Variants in CCDC172 observed in about 807,000 individuals in gnomAD.
CCDC172 encodes coiled-coil domain-containing protein 172.
CCDC172 carries 30 observed loss-of-function variants against 38.0 expected under a neutral mutation model. The observed-to-expected ratio is 0.79, with a 90% CI of 0.59 to 1.07. The LOEUF (loss-of-function observed/expected upper bound fraction) is 1.07. Among genes scored for constraint, CCDC172 ranks in the 50% least tolerant of loss-of-function variants. The pLI is 0.00. For synonymous variants in CCDC172, 78 were observed against 88.3 expected, an observed-to-expected ratio of 0.88 and a Z score of 0.66; for missense variants, 297 against 290.1, an observed-to-expected ratio of 1.02 and a Z score of -0.17.
At chr10:116,356,955 G>C (rs1409315496) in intron 5 of CCDC172, among the ~76,000 whole-genome samples, 1 of 152,086 alleles carries the variant, frequency 6.6e-6, no homozygotes, top group East Asian at 1.9e-4. Context: ...TTACTAGTTG[G>C]CCAGGGGAAG....
At chr10:116,371,441 T>C (rs1431260713) in intron 7 of CCDC172, among the ~76,000 whole-genome samples, 1 of 151,908 alleles carries the variant, frequency 6.6e-6, no homozygotes, top group East Asian at 1.9e-4. Flanking sequence ...GGATTCTTTT[T>C]ACTAATATTT....
chr10:116,356,290 A>T (rs940917611), intron 5 of CCDC172, among the ~76,000 whole-genome samples: 3 of 150,932 alleles, frequency 2.0e-5, no homozygotes, highest in African/African-American at 7.3e-5. Context: ...AGATGGCGCC[A>T]CTGCACTCCA....
At position 116,379,535 on chromosome 10, in the gene CCDC172, G is replaced by A. The variant is rs1294088998; in HGVS notation, c.*177G>A. 1.4e-5 allele frequency: 6 copies of A among 421,686 alleles called. No individual in the cohort carries two copies. Among genetic ancestry groups the A allele is most frequent in the African/African-American group, 1.2e-4 (6 of 48,364 alleles). The allele number at this position is 421,686 out of a possible 1,614,324, so 26.1% of individuals were successfully genotyped here. On this transcript the variant is annotated 3_prime_UTR_variant, in exon 9 of 9. Transcript: ENST00000333254. ...GTGTTAGCCCTTTAAGATAATTTTT[G>A]TCTTGTTACTCAAACTTTAAGAGTT...
At chr10:116,340,940 A>T in intron 4 of CCDC172, 90 bp downstream of exon 4, 1 of 790,210 alleles carries the variant, frequency 1.3e-6, no homozygotes, top group Non-Finnish European at 2.2e-6. Flanking sequence ...AAAATTATCC[A>T]TGTGCATATT....
At chr10:116,370,528 A>G (rs562818194) in intron 7 of CCDC172, among the ~76,000 whole-genome samples, 1 of 151,990 alleles carries the variant, frequency 6.6e-6, no homozygotes, top group Non-Finnish European at 1.5e-5. Context: ...ATTTCCATTT[A>G]TACTTTACTC....
chr10:116,368,025 C>T (rs554663840), intron 7 of CCDC172, among the ~76,000 whole-genome samples: 1 of 152,010 alleles, frequency 6.6e-6, no homozygotes, highest in East Asian at 1.9e-4. Context: ...AGATTATATG[C>T]AAGTTAATTT....
chr10:116,332,939 T>G (rs982312805), intron 3 of CCDC172, among the ~76,000 whole-genome samples: 2 of 152,144 alleles, frequency 1.3e-5, no homozygotes, highest in African/African-American at 4.8e-5. Flanking sequence ...GTTTTAGTTA[T>G]TTAATGCTCT....
intron 3 of CCDC172, among the ~76,000 whole-genome samples, chr10:116,336,451 C>G (rs1334523250): frequency 6.6e-6 from 1 of 151,388 alleles, no homozygotes. Flanking sequence ...TCCTTGCTAA[C>G]TATATTAGGA....
intron 3 of CCDC172, among the ~76,000 whole-genome samples, chr10:116,339,413 C>G (rs1262137950): frequency 6.6e-6 from 1 of 151,732 alleles, no homozygotes; most frequent in South Asian, 2.1e-4. Context: ...CATGATCATA[C>G]CCTAGTTTCC....
intron 5 of CCDC172, among the ~76,000 whole-genome samples, chr10:116,354,470 T>C (rs1051012179): frequency 6.6e-6 from 1 of 152,050 alleles, no homozygotes; most frequent in Non-Finnish European, 1.5e-5. Flanking sequence ...ACGACTGTAA[T>C]CCCAGCACTT....
At chr10:116,370,081 T>C (rs1319993159) in intron 7 of CCDC172, among the ~76,000 whole-genome samples, 1 of 151,956 alleles carries the variant, frequency 6.6e-6, no homozygotes, top group Non-Finnish European at 1.5e-5. Flanking sequence ...GAAAATTTAT[T>C]TATATATTAT....
chr10:116,342,798 A>G (rs1263791951), intron 5 of CCDC172, among the ~76,000 whole-genome samples: 1 of 152,050 alleles, frequency 6.6e-6, no homozygotes, highest in Non-Finnish European at 1.5e-5. Context: ...TTGGTTGTTT[A>G]AAAGTATGTA....
intron 7 of CCDC172, among the ~76,000 whole-genome samples, chr10:116,366,909 A>G (rs1845129780): frequency 6.6e-6 from 1 of 152,156 alleles, no homozygotes; most frequent in African/African-American, 2.4e-5. Context: ...CTGACTACGT[A>G]TATGGTTGAG....
At chr10:116,378,184 AAAC>A (rs763054036) in intron 7 of CCDC172, among the ~76,000 whole-genome samples, 6 of 152,300 alleles carry the variant, frequency 3.9e-5, no homozygotes, top group South Asian at 2.1e-4. Flanking sequence ...CCATCTCAAA[AAAC>A]AACAACAACA....
Position 116,357,445 on chromosome 10 carries a change from A to T in CCDC172, c.514A>T (p.Ile172Leu). ...NELQKQKSEL[I>L]QELFTLQRKL... Reference sequence around the variant, plus strand: ...ACTTCAAAAACAAAAGAGTGAATTGATACAAGAATTATTTACTCTCCAAAG... The same window carrying T: ...ACTTCAAAAACAAAAGAGTGAATTGTTACAAGAATTATTTACTCTCCAAAG... The change falls in exon 6 of 9, where the codon ATA becomes TTA. Residue 172 changes from isoleucine (I) to leucine (L), a missense_variant. Physicochemically the swap from Ile to Leu is conservative, Grantham distance 5. Coordinates refer to ENST00000333254, the MANE Select transcript of CCDC172 (RefSeq NM_198515.3). The T allele has an allele frequency of 6.3e-7, 1 of 1,583,272 alleles. No homozygotes were observed. Among genetic ancestry groups the T allele is most frequent in the East Asian group, 2.3e-5 (1 of 43,332 alleles).
At chr10:116,335,849 CTCTGTATATTT>C (rs1844724466) in intron 3 of CCDC172, among the ~76,000 whole-genome samples, 1 of 151,508 alleles carries the variant, frequency 6.6e-6, no homozygotes, top group Non-Finnish European at 1.5e-5. Flanking sequence ...TTGATGGTTT[CTCTGTATATTT>C]TCTTGGATTC....
chr10:116,347,428 C>T (rs1363680572), intron 5 of CCDC172, among the ~76,000 whole-genome samples: 1 of 151,934 alleles, frequency 6.6e-6, no homozygotes, highest in Non-Finnish European at 1.5e-5. Flanking sequence ...AGGGCAAAAG[C>T]CAAATTGTAA....
Position 116,379,410 on chromosome 10 carries a change from C to A in CCDC172, c.*52C>A. The A allele has an allele frequency of 2.3e-6, 3 of 1,300,672 alleles. No individual in the cohort carries two copies. The highest frequency in any genetic ancestry group is 2.8e-5 in the South Asian group (2 of 70,456). 80.6% of individuals were successfully genotyped at this position (1,300,672 alleles called of 1,614,324 possible). ...AGATTTGATCAGAATATCTGAGAAT[C>A]AAATCTTTGTGATAGATATATGAAT... On this transcript the variant is annotated 3_prime_UTR_variant, in exon 9 of 9. Coordinates refer to ENST00000333254, the MANE Select transcript of CCDC172 (RefSeq NM_198515.3).
intron 5 of CCDC172, among the ~76,000 whole-genome samples, chr10:116,344,305 G>A (rs1844837083): frequency 6.6e-6 from 1 of 152,178 alleles, no homozygotes; most frequent in Non-Finnish European, 1.5e-5. Context: ...ACCTGGATGG[G>A]ATAACCTATT....
Sources: allele counts gnomAD v4.1 joint callset (sites outside exome capture counted in the v4.1 genomes callset), GRCh38; gene constraint gnomAD v4.1.1; transcripts MANE v1.5; gene names NCBI Gene and HGNC (gene_info 2026-07-23, HGNC 2026-07-21).